The following RUNX2 variants were observed in gnomAD, a reference collection of about 807,000 sequenced individuals.
RUNX2 encodes runt-related transcription factor 2.
RUNX2 carries 10 observed loss-of-function variants against 51.7 expected under a neutral mutation model. That is an observed-to-expected ratio of 0.19 (90% CI 0.12 to 0.33). The LOEUF is 0.33. Among genes scored for constraint, RUNX2 ranks in the 10% least tolerant of loss-of-function variants. The pLI, the probability that RUNX2 is intolerant of heterozygous loss-of-function variation, is 1.00. For missense variants in RUNX2, 562 were observed against 691.3 expected, an observed-to-expected ratio of 0.81 and a Z score of 2.10; for synonymous variants, 276 against 273.6, an observed-to-expected ratio of 1.01 and a Z score of -0.09.
chr6:45,384,569 G>A (rs756324425), intron 2 of RUNX2, among the ~76,000 whole-genome samples: 23 of 152,054 alleles, frequency 1.5e-4, no homozygotes, highest in Non-Finnish European at 2.6e-4. Context: ...ACAGGTGTGA[G>A]CCACTGTGCC....
intron 2 of RUNX2, among the ~76,000 whole-genome samples, chr6:45,391,685 G>A (rs563149873): frequency 6.6e-6 from 1 of 152,240 alleles, no homozygotes; most frequent in East Asian, 1.9e-4. Flanking sequence ...GTGAAGCAAG[G>A]CGCCTTCTTC....
At position 45,491,931 on chromosome 6, in the gene RUNX2, C is replaced by T. The variant is rs1800488249; in HGVS notation, c.686-10C>T. ...TAATATGCTTTTATTTTATGATTTG[C>T]TATTTCCAGGGCACAGACAGAAGCT... On this transcript the variant is annotated splice_polypyrimidine_tract_variant and intron_variant, in intron 5 of 8. Coordinates refer to ENST00000647337, the MANE Select transcript of RUNX2 (RefSeq NM_001024630.4). 6.2e-7 allele frequency: 1 copy of T among 1,613,286 alleles called. No individual in the cohort carries two copies. The highest frequency in any genetic ancestry group is 1.3e-5 in the African/African-American group (1 of 74,826).
In RUNX2 at chr6:45,378,158, A is replaced by G. The variant is rs189607842; in HGVS notation, c.59-44435A>G. ...GCGGCCTTCAGGGCCCGGCTTGGGC[A>G]GCGCTGAGCCACGCGGCGGCGTTTA... On this transcript the variant is annotated intron_variant, in intron 2 of 8. Transcript: ENST00000647337. 5.3e-3 allele frequency among the ~76,000 whole-genome samples: 806 copies of G among 152,320 alleles called. 5 individuals carry two copies. Among genetic ancestry groups the G allele is most frequent in the African/African-American group, 0.018 (751 of 41,576 alleles).
At chr6:45,490,418 C>T (rs776929934) in intron 5 of RUNX2, among the ~76,000 whole-genome samples, 3 of 152,114 alleles carry the variant, frequency 2.0e-5, no homozygotes, top group African/African-American at 4.8e-5. Flanking sequence ...AGTTGGAACA[C>T]GTTTGGCCGT....
At chr6:45,383,910 A>G (rs1345491186) in intron 2 of RUNX2, among the ~76,000 whole-genome samples, 1 of 152,232 alleles carries the variant, frequency 6.6e-6, no homozygotes, top group African/African-American at 2.4e-5. Context: ...TGCTCAGATC[A>G]TTTGTTAATA....
chr6:45,520,421 G>A (rs934216740), intron 7 of RUNX2, among the ~76,000 whole-genome samples: 1 of 152,036 alleles, frequency 6.6e-6, no homozygotes. Context: ...ATTCAAATAC[G>A]GAACATACCA....
chr6:45,511,621 C>T (rs572354436), intron 6 of RUNX2, among the ~76,000 whole-genome samples: 34 of 152,224 alleles, frequency 2.2e-4, no homozygotes, highest in Admixed American at 7.2e-4. Context: ...GTTCATCTTA[C>T]GTGCTGCCCC....
Position 45,549,343 on chromosome 6 carries a change from T to C in RUNX2, c.*2038T>C. 2.5e-6 allele frequency: 1 copy of C among 398,594 alleles called. No homozygotes were observed. The highest frequency in any genetic ancestry group is 4.4e-6 in the Non-Finnish European group (1 of 226,052). The allele number at this position is 398,594 out of a possible 1,614,324, so 24.7% of individuals were successfully genotyped here. A position where few individuals can be genotyped will look rare whatever the true frequency, so the allele number is the denominator to read the frequency against. ...CCCACCTTTGTAGGCCACCCAGCAT[T>C]GCAGGACAGCGTGTGGGGCAGCTGG... On this transcript the variant is annotated 3_prime_UTR_variant, in exon 9 of 9. Transcript: ENST00000647337.
intron 5 of RUNX2, among the ~76,000 whole-genome samples, chr6:45,464,521 T>A (rs1799569146): frequency 6.6e-6 from 1 of 152,212 alleles, no homozygotes; most frequent in Admixed American, 6.5e-5. Flanking sequence ...TAAAACTCTA[T>A]CTACAGCGGC....
In RUNX2 at chr6:45,545,285, G is replaced by T. The variant is rs772530352; in HGVS notation, c.1087+3G>T. ...TCTCAGTAAGAAGAGCCAGGCAGGT[G>T]AGACTTTTAACAATTGCTGGGCTGG... On this transcript the variant is annotated splice_donor_region_variant and intron_variant, in intron 8 of 8. Coordinates refer to ENST00000647337, the MANE Select transcript of RUNX2 (RefSeq NM_001024630.4). 2 of 1,548,648 alleles carry T rather than the reference G, an allele frequency of 1.3e-6. No individual in the cohort carries two copies. The highest frequency in any genetic ancestry group is 2.4e-5 in the East Asian group (1 of 40,838).
chr6:45,487,316 A>G (rs762759036), intron 5 of RUNX2, among the ~76,000 whole-genome samples: 1 of 152,160 alleles, frequency 6.6e-6, no homozygotes, highest in Non-Finnish European at 1.5e-5. Context: ...GCCACTAACT[A>G]TATGACTTTA....
intron 2 of RUNX2, among the ~76,000 whole-genome samples, chr6:45,364,735 A>C (rs1436278943): frequency 6.6e-6 from 1 of 152,198 alleles, no homozygotes; most frequent in African/African-American, 2.4e-5. Flanking sequence ...GCTCTGAAAC[A>C]CAGTGATTTC....
Position 45,519,692 on chromosome 6 carries a change from C to A in RUNX2, c.1021+7285C>A, listed in dbSNP as rs183068592. On this transcript the variant is annotated intron_variant, in intron 7 of 8. Transcript: ENST00000647337. The stretch of plus-strand genomic sequence containing the variant: ...CTGGCTTCTTTCACTTGGTAATATG[C>A]ATTTAAGTTCCTCCATGTCTTTTCA... Among the ~76,000 whole-genome samples, 111 of 151,274 alleles carry A rather than the reference C, an allele frequency of 7.3e-4. 1 individual carries two copies. Among genetic ancestry groups the A allele is most frequent in the African/African-American group, 2.6e-3 (107 of 41,082 alleles).
At chr6:45,505,488 A>T (rs1345210457) in intron 6 of RUNX2, among the ~76,000 whole-genome samples, 3 of 151,876 alleles carry the variant, frequency 2.0e-5, no homozygotes, top group African/African-American at 7.3e-5. Context: ...CCTAGAGCTC[A>T]TGACTCTTCT....
intron 5 of RUNX2, among the ~76,000 whole-genome samples, chr6:45,450,454 C>T (rs543290405): frequency 5.9e-5 from 9 of 152,280 alleles, no homozygotes; most frequent in South Asian, 2.1e-4. Flanking sequence ...GCCAGGCAGG[C>T]GTGATCCTCC....
intron 6 of RUNX2, among the ~76,000 whole-genome samples, chr6:45,498,177 T>A (rs1225566280): frequency 3.3e-5 from 5 of 152,214 alleles, no homozygotes; most frequent in African/African-American, 1.2e-4. Context: ...AAAGGTACTT[T>A]TATCATGGCT....
intron 5 of RUNX2, among the ~76,000 whole-genome samples, chr6:45,449,043 G>A (rs1286147559): frequency 1.3e-5 from 2 of 152,194 alleles, no homozygotes; most frequent in South Asian, 2.1e-4. Context: ...CTACCATGAA[G>A]GCTATTTCAG....
intron 2 of RUNX2, among the ~76,000 whole-genome samples, chr6:45,401,874 G>A (rs1797718515): frequency 6.6e-6 from 1 of 152,136 alleles, no homozygotes; most frequent in South Asian, 2.1e-4. Context: ...GTGCTCATTT[G>A]GCACAAACAA....
intron 2 of RUNX2, among the ~76,000 whole-genome samples, chr6:45,334,567 G>A (rs182730042): frequency 1.5e-3 from 231 of 150,258 alleles, no homozygotes; most frequent in African/African-American, 5.4e-3. Flanking sequence ...GAATAATAAC[G>A]TGATATTCCA....
Sources: allele counts gnomAD v4.1 joint callset (sites outside exome capture counted in the v4.1 genomes callset), GRCh38; gene constraint gnomAD v4.1.1; transcripts MANE v1.5; gene names NCBI Gene and HGNC (gene_info 2026-07-23, HGNC 2026-07-21).